The following TBC1D12 variants were observed in gnomAD, a reference collection of about 807,000 sequenced individuals.
The protein encoded by TBC1D12 is TBC1 domain family member 12.
Under a neutral mutation model 86.7 loss-of-function variants are expected in TBC1D12, and 56 were observed. The observed-to-expected ratio is 0.65, with a 90% CI of 0.52 to 0.81. The LOEUF (loss-of-function observed/expected upper bound fraction) is 0.81, where lower values mean the gene tolerates loss of function less well. Ranked by LOEUF, TBC1D12 falls within the 30% of genes least tolerant of loss-of-function variation. TBC1D12 has a pLI of 0.00. For missense variants in TBC1D12, 1,023 were observed against 1,038.8 expected (o/e 0.98, Z 0.21); for synonymous variants, 421 against 411.7 (o/e 1.02, Z -0.27).
intron 2 of TBC1D12, among the ~76,000 whole-genome samples, chr10:94,458,941 G>A (rs951824502): frequency 4.6e-5 from 7 of 152,108 alleles, no homozygotes; most frequent in Admixed American, 2.6e-4. Context: ...GATTTATTGC[G>A]AAGAGTGAAA....
intron 1 of TBC1D12, among the ~76,000 whole-genome samples, chr10:94,439,862 T>C (rs1385739580): frequency 1.3e-5 from 2 of 152,310 alleles, no homozygotes; most frequent in Non-Finnish European, 2.9e-5. Context: ...AAATAAGATG[T>C]AGACATTTGT....
chr10:94,501,176 T>C lies in TBC1D12; in HGVS notation c.1519+849T>C, dbSNP rs977012233. Among the ~76,000 whole-genome samples, 9 of 150,268 alleles carry C rather than the reference T, an allele frequency of 6.0e-5. No individual in the cohort carries two copies. The East Asian group carries it at 1.0e-3, about 17-fold the overall frequency. On this transcript the variant is annotated intron_variant, in intron 6 of 12. Coordinates refer to ENST00000225235, the MANE Select transcript of TBC1D12 (RefSeq NM_015188.2). Reference sequence around the variant, plus strand: ...ATAAAGAAAAAACTTTAGCCGGGCATGGTGGCTCATGCGTGTAATCCCAGC... The same window carrying C: ...ATAAAGAAAAAACTTTAGCCGGGCACGGTGGCTCATGCGTGTAATCCCAGC...
Position 94,521,969 on chromosome 10 carries a change from C to G in TBC1D12, c.1776C>G (p.Ser592=), listed in dbSNP as rs758862682. The change falls in exon 10 of 13, where the codon TCC becomes TCG. Residue 592 remains serine (S), a synonymous_variant. Coordinates refer to ENST00000225235, the MANE Select transcript of TBC1D12 (RefSeq NM_015188.2). ...RPDVGYVQGM[S]FIAAVLILNL... ...TCCCTTTGAAGGTCCAAGGGATGTC[C>G]TTCATTGCAGCAGTACTCATTCTCA... 3 of 1,604,278 alleles carry G rather than the reference C, an allele frequency of 1.9e-6. No individual in the cohort carries two copies.
At chr10:94,414,003 G>A (rs1232731207) in intron 1 of TBC1D12, among the ~76,000 whole-genome samples, 1 of 151,974 alleles carries the variant, frequency 6.6e-6, no homozygotes, top group East Asian at 1.9e-4. Context: ...GTCAAGTAGG[G>A]CAAATACTTC....
In TBC1D12 at chr10:94,498,343, C is replaced by A. The variant is rs562966490; in HGVS notation, c.1412+1171C>A. On this transcript the variant is annotated intron_variant, in intron 5 of 12. Coordinates refer to ENST00000225235, the MANE Select transcript of TBC1D12 (RefSeq NM_015188.2). ...CATACTTTGAGACTAATATACTTAT[C>A]TTGCCTTTGCATTTATTTATTCATT... 2.6e-5 allele frequency among the ~76,000 whole-genome samples: 4 copies of A among 152,272 alleles called. 1 individual carries two copies. Among genetic ancestry groups the A allele is most frequent in the African/African-American group, 9.6e-5 (4 of 41,570 alleles).
At chr10:94,470,040 C>T (rs961601610) in intron 2 of TBC1D12, among the ~76,000 whole-genome samples, 2 of 152,054 alleles carry the variant, frequency 1.3e-5, no homozygotes, top group South Asian at 4.1e-4. Flanking sequence ...GGTTTTTTTG[C>T]CAATTTGTAT....
chr10:94,499,393 A>T (rs979451097), intron 5 of TBC1D12, among the ~76,000 whole-genome samples: 3 of 152,142 alleles, frequency 2.0e-5, no homozygotes, highest in African/African-American at 7.2e-5. Context: ...TGGATTCCAC[A>T]TATAAGTGAG....
chr10:94,517,799 G>A (rs1842038978), intron 9 of TBC1D12, among the ~76,000 whole-genome samples: 1 of 152,202 alleles, frequency 6.6e-6, no homozygotes, highest in Non-Finnish European at 1.5e-5. Context: ...AGTTTTATCT[G>A]TAGATTTTAT....
chr10:94,508,851 G>C (rs2056493037), intron 7 of TBC1D12: 1 of 151,990 alleles, frequency 6.6e-6, no homozygotes, highest in South Asian at 2.1e-4. Flanking sequence ...CCCCTTTAAA[G>C]TGGTTGTAAG....
intron 1 of TBC1D12, among the ~76,000 whole-genome samples, chr10:94,437,332 CTT>C (rs767605698): frequency 6.9e-6 from 1 of 145,560 alleles, no homozygotes; most frequent in African/African-American, 2.5e-5. Context: ...TGGTTATTTT[CTT>C]TTTTTTTTTG....
intron 3 of TBC1D12, among the ~76,000 whole-genome samples, chr10:94,486,288 A>G (rs777750610): frequency 3.4e-4 from 52 of 151,544 alleles, no homozygotes; most frequent in Admixed American, 1.3e-4. Context: ...GCTGGGACTA[A>G]AGGCACATGC....
chr10:94,417,992 G>T (rs1303089663), intron 1 of TBC1D12, among the ~76,000 whole-genome samples: 1 of 152,050 alleles, frequency 6.6e-6, no homozygotes, highest in African/African-American at 2.4e-5. Context: ...CTGACCTCGT[G>T]ATCCGCCCAC....
At chr10:94,452,167 T>G (rs767318713) in intron 2 of TBC1D12, among the ~76,000 whole-genome samples, 45 of 151,992 alleles carry the variant, frequency 3.0e-4, no homozygotes, top group Non-Finnish European at 5.7e-4. Context: ...CATAGCAGAT[T>G]TGAGGAGAAA....
Position 94,402,744 on chromosome 10 carries a change from G to A in TBC1D12, c.131G>A (p.Gly44Asp). Residue 44 changes from glycine to aspartate, a missense_variant, in exon 1 of 13, where the codon GGC becomes GAC. Transcript: ENST00000225235. ...ACGGGCGGCTTTGGCGGAGGCGTCGGCGCTGTGGAGCCGCCGGAGGAGGCT... is the reference window on the plus strand; with the variant it reads ...ACGGGCGGCTTTGGCGGAGGCGTCGACGCTGTGGAGCCGCCGGAGGAGGCT... ...RATGGFGGGV[G>D]AVEPPEEADE... The A allele has an allele frequency of 2.6e-6, 4 of 1,554,724 alleles. No homozygotes were observed. Among genetic ancestry groups the A allele is most frequent in the South Asian group, 1.2e-5 (1 of 84,820 alleles).
chr10:94,447,689 T>G, intron 2 of TBC1D12: 2 of 984,986 alleles, frequency 2.0e-6, no homozygotes, highest in Non-Finnish European at 2.4e-6. Context: ...TGTTAAAAAT[T>G]GAATCTGTTA....
At chr10:94,450,480 A>G (rs187063525) in intron 2 of TBC1D12, among the ~76,000 whole-genome samples, 1 of 152,204 alleles carries the variant, frequency 6.6e-6, no homozygotes, top group South Asian at 2.1e-4. Flanking sequence ...AGGACAGTAT[A>G]TCAAAGATAC....
chr10:94,491,813 C>T (rs1035213105), intron 3 of TBC1D12, among the ~76,000 whole-genome samples: 4 of 108,416 alleles, frequency 3.7e-5, no homozygotes, highest in African/African-American at 1.1e-4. Flanking sequence ...ATTAGTAATG[C>T]CCCCAAAGCT....
At chr10:94,467,336 G>A (rs1347652950) in intron 2 of TBC1D12, among the ~76,000 whole-genome samples, 6 of 152,008 alleles carry the variant, frequency 3.9e-5, no homozygotes, top group Non-Finnish European at 5.9e-5. Flanking sequence ...GGGTTCAAGC[G>A]ATTCTCCTGC....
chr10:94,529,616 TA>T lies in TBC1D12; in HGVS notation c.2001-1576del, dbSNP rs199526329. Among the ~76,000 whole-genome samples, 1,300 of 150,328 alleles carry T rather than the reference TA, an allele frequency of 8.6e-3. 19 individuals carry two copies. The highest frequency in any genetic ancestry group is 0.03 in the African/African-American group (1,217 of 41,096). ...CTGAGCAACAAGAGCAAAACTCCAT[TA>T]AAAAAAAAATTATTTTTCAATGTAT... On this transcript the variant is annotated intron_variant, in intron 11 of 12. Transcript: ENST00000225235.
Sources: gnomAD v4.1 joint callset for allele counts (sites outside exome capture counted in the v4.1 genomes callset) on GRCh38, gnomAD v4.1.1 for gene constraint, MANE v1.5 for transcripts, NCBI Gene and HGNC (gene_info 2026-07-23, HGNC 2026-07-21) for gene names.